EXOC6: variants seen among roughly 807,000 people sequenced by gnomAD.
The protein encoded by EXOC6 is exocyst complex component 6, also known as SEC15-like 1.
In EXOC6, 60 loss-of-function variants were observed where a neutral mutation model predicts 112.5. That is an observed-to-expected ratio of 0.53 (90% CI 0.43 to 0.66). The LOEUF is 0.66. Among genes scored for constraint, EXOC6 ranks in the 30% least tolerant of loss-of-function variants. EXOC6 has a pLI of 0.00. For synonymous variants in EXOC6, 295 were observed against 308.0 expected, an observed-to-expected ratio of 0.96 and a Z score of 0.44; for missense variants, 855 against 957.1, an observed-to-expected ratio of 0.89 and a Z score of 1.41.
chr10:93,044,670 A>C (rs909960069), intron 20 of EXOC6, among the ~76,000 whole-genome samples: 1 of 152,150 alleles, frequency 6.6e-6, no homozygotes, highest in Non-Finnish European at 1.5e-5. Context: ...CACTTCACCA[A>C]AGATTTATTG....
At chr10:92,862,701 A>C (rs75784573) in intron 1 of EXOC6, among the ~76,000 whole-genome samples, 2,231 of 152,336 alleles carry the variant, frequency 0.015, 55 homozygotes, top group African/African-American at 0.051. Context: ...TGTCTCAAGA[A>C]AAAAAGTACT....
chr10:93,054,015 T>C (rs1464266982), intron 20 of EXOC6, among the ~76,000 whole-genome samples: 2 of 152,248 alleles, frequency 1.3e-5, no homozygotes, highest in Non-Finnish European at 2.9e-5. Flanking sequence ...CTGAGCGGAA[T>C]GAGCAGGCAG....
chr10:92,983,749 C>T (rs1380001500), intron 18 of EXOC6, among the ~76,000 whole-genome samples: 1 of 152,078 alleles, frequency 6.6e-6, no homozygotes, highest in African/African-American at 2.4e-5. Flanking sequence ...TCAAGTGATC[C>T]ACCCACACTG....
At chr10:93,000,849 T>C (rs1843727867) in intron 19 of EXOC6, among the ~76,000 whole-genome samples, 1 of 152,194 alleles carries the variant, frequency 6.6e-6, no homozygotes, top group Admixed American at 6.5e-5. Context: ...GAAGTCTTTC[T>C]GGTGCAAAAA....
chr10:93,050,770 A>AAAAAAAAAAAAAACC (rs1846248826), intron 20 of EXOC6, among the ~76,000 whole-genome samples: 1 of 145,806 alleles, frequency 6.9e-6, no homozygotes, highest in Admixed American at 6.9e-5. Context: ...AAAAAAAAAA[A>AAAAAAAAAAAAAACC]AAAAAAAAAA....
intron 1 of EXOC6, among the ~76,000 whole-genome samples, chr10:92,849,470 A>T (rs1047226274): frequency 7.9e-5 from 12 of 152,208 alleles, no homozygotes; most frequent in African/African-American, 2.9e-4. Flanking sequence ...CAGGCAACGT[A>T]ATGAGCCATG....
intron 19 of EXOC6, among the ~76,000 whole-genome samples, chr10:93,000,957 T>C (rs1843731480): frequency 6.6e-6 from 1 of 152,230 alleles, no homozygotes; most frequent in Non-Finnish European, 1.5e-5. Context: ...TAAAAGAATT[T>C]TAAAAATAAG....
At chr10:92,933,735 A>G (rs971277232) in intron 9 of EXOC6, among the ~76,000 whole-genome samples, 2 of 152,192 alleles carry the variant, frequency 1.3e-5, no homozygotes, top group Non-Finnish European at 2.9e-5. Context: ...AGAAGATATA[A>G]TCTGATTACT....
intron 8 of EXOC6, 31 bp from the exon 9 acceptor site, chr10:92,928,308 A>G (rs1176126071): frequency 1.5e-6 from 2 of 1,372,752 alleles, no homozygotes; most frequent in Admixed American, 1.7e-5. Context: ...GTGTATGTGT[A>G]TTTTTCATTA....
chr10:92,900,500 A>G (rs2133841397), intron 5 of EXOC6: 1 of 152,224 alleles, frequency 6.6e-6, no homozygotes, highest in Non-Finnish European at 1.5e-5. Flanking sequence ...AGTTAATACA[A>G]TTTAGTAGAA....
At chr10:92,926,506 G>A (rs971820159) in intron 8 of EXOC6, among the ~76,000 whole-genome samples, 1 of 150,324 alleles carries the variant, frequency 6.7e-6, no homozygotes, top group African/African-American at 2.4e-5. Flanking sequence ...TGGTAAAAAG[G>A]AATCTGAGGA....
chr10:93,047,788 A>T (rs940737007), intron 20 of EXOC6, among the ~76,000 whole-genome samples: 3 of 152,046 alleles, frequency 2.0e-5, no homozygotes, highest in African/African-American at 7.3e-5. Context: ...CTCTACTAAA[A>T]TACAAAGATT....
rs1851837923 is a variant in EXOC6 at position 92,928,377 on chromosome 10, A to G, written c.927A>G (p.Gln309=). 2 of 1,610,918 alleles carry G rather than the reference A, an allele frequency of 1.2e-6. No homozygotes were observed. Among genetic ancestry groups the G allele is most frequent in the Admixed American group, 3.4e-5 (2 of 59,626 alleles). ...EETFENYYRK[Q]RKKQARLVLQ... is the part of the protein sequence containing the mutation. ...CATTTGAAAACTATTATCGAAAACA[A>G]AGAAAGAAACAAGCAAGACTGGTAT... is the stretch of plus-strand genomic sequence containing the variant. Residue 309 remains glutamine, a synonymous_variant, in exon 9 of 22, where the codon CAA becomes CAG. Transcript: ENST00000260762.
intron 1 of EXOC6, among the ~76,000 whole-genome samples, chr10:92,849,283 G>A (rs1411987031): frequency 6.6e-6 from 1 of 152,198 alleles, no homozygotes; most frequent in Non-Finnish European, 1.5e-5. Flanking sequence ...TGCGCTCGCG[G>A]GATCTAAGCT....
chr10:92,987,959 A>C (rs1843076176), intron 18 of EXOC6, among the ~76,000 whole-genome samples: 1 of 152,156 alleles, frequency 6.6e-6, no homozygotes, highest in African/African-American at 2.4e-5. Context: ...TACCCTACAG[A>C]TTTTTGTGAG....
chr10:92,896,147 G>GTGTGTGTGTA (rs1432410468), intron 4 of EXOC6, among the ~76,000 whole-genome samples: 4 of 24,486 alleles, frequency 1.6e-4, no homozygotes, highest in African/African-American at 9.2e-4. Context: ...GTATGTATGT[G>GTGTGTGTGTA]TATATATATA....
At chr10:93,007,444 C>T (rs1177549589) in intron 19 of EXOC6, among the ~76,000 whole-genome samples, 1 of 151,216 alleles carries the variant, frequency 6.6e-6, no homozygotes, top group Non-Finnish European at 1.5e-5. Context: ...TGAGGTCAGG[C>T]GTTCAAGACC....
rs77985970 is a variant in EXOC6, at chr10:92,995,225, A to G, written c.1954-2249A>G. ...TTTGTGTGTGTGTATGTATGTGTGC[A>G]TGTGTGTTTTCATTACTTATTTCCA... On this transcript the variant is annotated intron_variant, in intron 18 of 21. Transcript: ENST00000260762. Among the ~76,000 whole-genome samples, 1,040 of 152,112 alleles carry G rather than the reference A, an allele frequency of 6.8e-3. 22 individuals carry two copies. Among genetic ancestry groups the G allele is most frequent in the African/African-American group, 0.024 (990 of 41,504 alleles).
At position 93,014,193 on chromosome 10, in the gene EXOC6, G is replaced by A. The variant is rs1395373272; in HGVS notation, c.2096-1G>A. ...TTCTTTTTTTTTCTTTCTTTTAATA[G>A]TGTTTGCCAGCTCTGAGCCTGTGCC... On this transcript the variant is annotated splice_acceptor_variant, in intron 19 of 21. Transcript: ENST00000260762. LOFTEE classifies it high-confidence loss of function. 2 of 1,608,268 alleles carry A rather than the reference G, an allele frequency of 1.2e-6. No individual in the cohort carries two copies. The highest frequency in any genetic ancestry group is 1.7e-6 in the Non-Finnish European group (2 of 1,176,812).
Sources: allele counts gnomAD v4.1 joint callset (sites outside exome capture counted in the v4.1 genomes callset), GRCh38; gene constraint gnomAD v4.1.1; transcripts MANE v1.5; gene names NCBI Gene and HGNC (gene_info 2026-07-23, HGNC 2026-07-21).